The following DPP10 variants were observed in gnomAD, a reference collection of about 807,000 sequenced individuals.
DPP10 encodes the protein inactive dipeptidyl peptidase 10.
Under a neutral mutation model 120.9 loss-of-function variants are expected in DPP10, and 33 were observed. The observed-to-expected ratio is 0.27, with a 90% confidence interval of 0.21 to 0.37. DPP10 has a LOEUF of 0.37. Ranked by LOEUF, DPP10 falls within the 10% of genes least tolerant of loss-of-function variation. The pLI is 1.00. For missense variants in DPP10, 816 were observed against 942.8 expected, an observed-to-expected ratio of 0.87 and a Z score of 1.76; for synonymous variants, 337 against 326.1, an observed-to-expected ratio of 1.03 and a Z score of -0.36.
intron 1 of DPP10, among the ~76,000 whole-genome samples, chr2:115,042,360 G>A (rs1011980442): frequency 1.6e-4 from 24 of 151,982 alleles, no homozygotes; most frequent in African/African-American, 7.3e-5. Flanking sequence ...TCTGCCTCAC[G>A]GGTTCAAGTG....
At position 115,554,552 on chromosome 2, in the gene DPP10, C is replaced by T. The variant is rs891936903; in HGVS notation, c.441+28580C>T. ...ATATATTGATTATAGTAGCCCCAGT[C>T]TATGCTGTGTTCACAAATCCATGCT... is the stretch of plus-strand genomic sequence containing the variant. On this transcript the variant is annotated intron_variant, in intron 5 of 25. Coordinates refer to ENST00000410059, the MANE Select transcript of DPP10 (RefSeq NM_020868.6). Among the ~76,000 whole-genome samples, 21 of 152,012 alleles carry T rather than the reference C, an allele frequency of 1.4e-4. 1 individual carries two copies. The highest frequency in any genetic ancestry group is 1.1e-3 in the Admixed American group (17 of 15,234).
At chr2:114,583,443 A>G (rs1273302163) in intron 1 of DPP10, among the ~76,000 whole-genome samples, 5 of 152,242 alleles carry the variant, frequency 3.3e-5, no homozygotes, top group Non-Finnish European at 7.3e-5. Context: ...ATAAGATTAA[A>G]CAAAGGATCA....
intron 1 of DPP10, among the ~76,000 whole-genome samples, chr2:115,016,860 T>C (rs938156172): frequency 6.6e-6 from 1 of 152,056 alleles, no homozygotes; most frequent in Non-Finnish European, 1.5e-5. Context: ...ATATACACCA[T>C]GGAATACTAT....
chr2:114,768,805 C>T (rs538159967), intron 1 of DPP10, among the ~76,000 whole-genome samples: 2 of 152,010 alleles, frequency 1.3e-5, no homozygotes, highest in South Asian at 2.1e-4. Flanking sequence ...TGGGCAAGGT[C>T]GTTGTACATT....
At chr2:115,688,332 A>G (rs921085321) in intron 5 of DPP10, among the ~76,000 whole-genome samples, 3 of 152,210 alleles carry the variant, frequency 2.0e-5, no homozygotes, top group African/African-American at 7.2e-5. Flanking sequence ...AAGAGAGAAC[A>G]TAGCACTTCT....
chr2:115,118,536 G>A (rs1328335201), intron 1 of DPP10, among the ~76,000 whole-genome samples: 1 of 152,132 alleles, frequency 6.6e-6, no homozygotes, highest in Non-Finnish European at 1.5e-5. Context: ...GTAGGTTGAA[G>A]GCAAAGGGAG....
intron 1 of DPP10, among the ~76,000 whole-genome samples, chr2:114,970,140 G>T (rs1219928810): frequency 6.6e-6 from 1 of 152,082 alleles, no homozygotes; most frequent in Non-Finnish European, 1.5e-5. Flanking sequence ...GGATGGCCAA[G>T]CTTAGCCTGG....
chr2:115,060,323 T>TTACAG (rs1236111527), intron 1 of DPP10, among the ~76,000 whole-genome samples: 15 of 152,086 alleles, frequency 9.9e-5, no homozygotes, highest in African/African-American at 3.4e-4. Context: ...CCGTGGGCTG[T>TTACAG]GACTTATGCC....
chr2:115,560,857 C>CT (rs1278158124), intron 5 of DPP10, among the ~76,000 whole-genome samples: 1 of 152,142 alleles, frequency 6.6e-6, no homozygotes, highest in Non-Finnish European at 1.5e-5. Flanking sequence ...ATCAGGGACT[C>CT]TGAGTCAGTG....
intron 1 of DPP10, among the ~76,000 whole-genome samples, chr2:114,728,590 G>T (rs1372912617): frequency 2.0e-5 from 3 of 152,110 alleles, no homozygotes; most frequent in Admixed American, 1.3e-4. Flanking sequence ...TGCAAGCCAG[G>T]TCTGTCCAGA....
chr2:114,672,969 G>T (rs141086467), intron 1 of DPP10, among the ~76,000 whole-genome samples: 1 of 152,104 alleles, frequency 6.6e-6, no homozygotes, highest in Non-Finnish European at 1.5e-5. Flanking sequence ...TTCTAAGGCC[G>T]TCTCAGCTCT....
At chr2:115,288,239 G>A (rs2060485058) in intron 1 of DPP10, among the ~76,000 whole-genome samples, 1 of 151,794 alleles carries the variant, frequency 6.6e-6, no homozygotes. Context: ...GAGTAAGGTG[G>A]TATCTTGTTG....
At chr2:115,001,597 G>A (rs1228194483) in intron 1 of DPP10, among the ~76,000 whole-genome samples, 1 of 152,208 alleles carries the variant, frequency 6.6e-6, no homozygotes, top group Non-Finnish European at 1.5e-5. Flanking sequence ...AAGAGAGGAA[G>A]TCAGTCTACC....
chr2:115,438,100 T>C (rs1332132412), intron 3 of DPP10, among the ~76,000 whole-genome samples: 1 of 151,850 alleles, frequency 6.6e-6, no homozygotes, highest in South Asian at 2.1e-4. Context: ...AAAACCATGA[T>C]TAAAAAATGG....
At chr2:115,086,654 C>T (rs1708730233) in intron 1 of DPP10, among the ~76,000 whole-genome samples, 1 of 152,114 alleles carries the variant, frequency 6.6e-6, no homozygotes, top group South Asian at 2.1e-4. Context: ...GACAGGGTTT[C>T]ACCGTGTTAT....
intron 3 of DPP10, among the ~76,000 whole-genome samples, chr2:115,353,625 A>T (rs2064177899): frequency 2.0e-5 from 3 of 152,128 alleles, no homozygotes. Context: ...GTAAGTCAAA[A>T]TTTGCATGTA....
intron 1 of DPP10, among the ~76,000 whole-genome samples, chr2:114,726,938 T>C (rs1676377543): frequency 6.6e-6 from 1 of 152,246 alleles, no homozygotes; most frequent in Non-Finnish European, 1.5e-5. Flanking sequence ...GCATAGTCTA[T>C]CTTCATGCAT....
At chr2:114,927,318 G>GTTT (rs11450458) in intron 1 of DPP10, among the ~76,000 whole-genome samples, 3 of 147,050 alleles carry the variant, frequency 2.0e-5, no homozygotes, top group Admixed American at 6.8e-5. Context: ...ATTTAGAAAG[G>GTTT]TTTTTTTTTT....
chr2:114,676,362 G>T (rs1698671297), intron 1 of DPP10, among the ~76,000 whole-genome samples: 1 of 152,018 alleles, frequency 6.6e-6, no homozygotes, highest in Middle Eastern at 3.2e-3. Context: ...CTCTCCATAG[G>T]ACAGTGGCTA....
Sources: allele counts gnomAD v4.1 joint callset (sites outside exome capture counted in the v4.1 genomes callset), GRCh38; gene constraint gnomAD v4.1.1; transcripts MANE v1.5; gene names NCBI Gene and HGNC (gene_info 2026-07-23, HGNC 2026-07-21).